Variants in DOCK8 observed in about 807,000 individuals in gnomAD.
The protein encoded by DOCK8 is dedicator of cytokinesis 8, also known as dedicator of cytokinesis protein 8.
Under a neutral mutation model 245.6 loss-of-function variants are expected in DOCK8, and 141 were observed. That is an observed-to-expected ratio of 0.57 (90% confidence interval 0.50 to 0.66). The LOEUF is 0.66. DOCK8 is among the 30% of genes least tolerant of loss of function. The probability of loss-of-function intolerance (pLI) is 0.00; values close to 1 mark genes in which losing one functional copy is unlikely to be tolerated. For synonymous variants in DOCK8, 1,168 were observed against 970.2 expected (o/e 1.20, Z -3.79); for missense variants, 2,965 against 2,603.4 (o/e 1.14, Z -3.02).
At chr9:311,404 C>CTG (rs1229078016) in intron 5 of DOCK8, among the ~76,000 whole-genome samples, 1 of 150,762 alleles carries the variant, frequency 6.6e-6, no homozygotes, top group Non-Finnish European at 1.5e-5. Flanking sequence ...GCCACCATGC[C>CTG]TGGCTAAGTT....
chr9:239,364 TTCCAAAAATAACTTCTA>T (rs2047331410), intron 1 of DOCK8, among the ~76,000 whole-genome samples: 2 of 152,200 alleles, frequency 1.3e-5, no homozygotes, highest in Admixed American at 6.5e-5. Flanking sequence ...TGATTGCCTT[TTCCAAAAATAACTTCTA>T]TGGAAAATCC....
chr9:226,773 A>C (rs1033276251), intron 1 of DOCK8, among the ~76,000 whole-genome samples: 2 of 152,212 alleles, frequency 1.3e-5, no homozygotes, highest in African/African-American at 4.8e-5. Flanking sequence ...TAGACATTCA[A>C]GTAGAATTAG....
intron 4 of DOCK8, among the ~76,000 whole-genome samples, chr9:297,710 C>T (rs2049324427): frequency 6.6e-6 from 1 of 152,254 alleles, no homozygotes; most frequent in African/African-American, 2.4e-5. Context: ...TACATGTTTG[C>T]CAACCCTTGT....
At chr9:400,974 C>CCACCACCAG in intron 26 of DOCK8, among the ~76,000 whole-genome samples, 1 of 74,770 alleles carries the variant, frequency 1.3e-5, no homozygotes, top group South Asian at 3.2e-4. Flanking sequence ...ACCTCCTCCA[C>CCACCACCAG]CATCACCACC....
intron 4 of DOCK8, among the ~76,000 whole-genome samples, chr9:290,383 G>A (rs988841806): frequency 8.6e-5 from 13 of 151,914 alleles, no homozygotes; most frequent in African/African-American, 3.1e-4. Context: ...CCAAAAGTTT[G>A]GGCACCTGGA....
chr9:227,290 G>T (rs1229786160), intron 1 of DOCK8, among the ~76,000 whole-genome samples: 1 of 152,208 alleles, frequency 6.6e-6, no homozygotes, highest in Non-Finnish European at 1.5e-5. Flanking sequence ...TTGGGGGGAT[G>T]ATTTTTTACT....
At chr9:216,498 G>C (rs1014446839) in intron 1 of DOCK8, among the ~76,000 whole-genome samples, 1 of 139,098 alleles carries the variant, frequency 7.2e-6, no homozygotes, top group Non-Finnish European at 1.5e-5. Flanking sequence ...CTGCATTCCA[G>C]CCTGGGTGAG....
chr9:332,383 T>G lies in DOCK8; in HGVS notation c.1045-15T>G. 1 of 1,579,130 alleles carries G rather than the reference T, an allele frequency of 6.3e-7. No individual in the cohort carries two copies. On this transcript the variant is annotated splice_polypyrimidine_tract_variant and intron_variant, in intron 9 of 47. Coordinates refer to ENST00000432829, the MANE Select transcript of DOCK8 (RefSeq NM_203447.4). ...TAATTTATGTGCCTTATTTTAATAT[T>G]CTTTTTATTGGTAGATTGAAAAAGT...
At chr9:340,909 T>C (rs760231300) in intron 14 of DOCK8, among the ~76,000 whole-genome samples, 21 of 152,220 alleles carry the variant, frequency 1.4e-4, no homozygotes, top group Non-Finnish European at 2.9e-4. Flanking sequence ...TGCTAGCCAT[T>C]ACCTTTGTTC....
At chr9:351,751 A>G (rs937081893) in intron 14 of DOCK8, among the ~76,000 whole-genome samples, 3 of 152,214 alleles carry the variant, frequency 2.0e-5, no homozygotes, top group Non-Finnish European at 4.4e-5. Context: ...ACTTAGAGCA[A>G]CAGGATGGTG....
At chr9:400,905 C>T (rs1346821667) in intron 26 of DOCK8, among the ~76,000 whole-genome samples, 14 of 104,568 alleles carry the variant, frequency 1.3e-4, no homozygotes, top group South Asian at 3.4e-4. Context: ...TCCCCCACTA[C>T]CAACAGCTCC....
At chr9:359,144 C>T (rs528841052) in intron 14 of DOCK8, among the ~76,000 whole-genome samples, 65 of 152,254 alleles carry the variant, frequency 4.3e-4, no homozygotes, top group African/African-American at 1.5e-3. Flanking sequence ...CATTGGACTG[C>T]CCTTTGAGTA....
chr9:316,988 T>C (rs2050374086), intron 6 of DOCK8, 55 bp from the exon 7 acceptor site: 3 of 1,406,804 alleles, frequency 2.1e-6, no homozygotes, highest in African/African-American at 1.4e-5. Context: ...TTAACTCTAA[T>C]TGGAGCTCCC....
In DOCK8 at chr9:286,538, G is replaced by A; in HGVS notation, c.234G>A (p.Gln78=). ...CACACCTGAACAGCCTGGATGTGCA[G>A]CTTGCCCAGGAGCTCGGGGACTTCA... ...LMTHLNSLDV[Q]LAQELGDFTD... The change falls in exon 3 of 48, where the codon CAG becomes CAA. Residue 78 remains glutamine (Q), a synonymous_variant. Transcript: ENST00000432829. 1.2e-6 allele frequency: 2 copies of A among 1,614,032 alleles called. No individual in the cohort carries two copies. The highest frequency in any genetic ancestry group is 1.7e-6 in the Non-Finnish European group (2 of 1,179,944).
intron 28 of DOCK8, among the ~76,000 whole-genome samples, chr9:413,948 C>T (rs943860927): frequency 2.6e-5 from 4 of 152,134 alleles, no homozygotes; most frequent in African/African-American, 9.7e-5. Flanking sequence ...TCGAGACCAG[C>T]CTGGCCAAGA....
At chr9:225,637 T>C (rs2046973501) in intron 1 of DOCK8, among the ~76,000 whole-genome samples, 1 of 152,114 alleles carries the variant, frequency 6.6e-6, no homozygotes, top group Non-Finnish European at 1.5e-5. Flanking sequence ...GAGGATAGAG[T>C]CATGAATAAG....
At chr9:265,728 A>C (rs929056428) in intron 1 of DOCK8, among the ~76,000 whole-genome samples, 1 of 152,186 alleles carries the variant, frequency 6.6e-6, no homozygotes, top group African/African-American at 2.4e-5. Flanking sequence ...GAAGCCTTCC[A>C]GGGCTGTTTG....
chr9:379,029 G>A (rs12347881), intron 20 of DOCK8, among the ~76,000 whole-genome samples: 59,329 of 151,956 alleles, frequency 0.39, 14,922 homozygotes, highest in African/African-American at 0.72. Flanking sequence ...TTTTGTGGAT[G>A]GGAGTGAGGA....
chr9:437,000 A>T (rs2056926545), intron 39 of DOCK8, among the ~76,000 whole-genome samples: 1 of 152,180 alleles, frequency 6.6e-6, no homozygotes, highest in Non-Finnish European at 1.5e-5. Context: ...CTTGATGTAG[A>T]GGAGGCAATG....
Sources: gnomAD v4.1 joint callset for allele counts (sites outside exome capture counted in the v4.1 genomes callset) on GRCh38, gnomAD v4.1.1 for gene constraint, MANE v1.5 for transcripts, NCBI Gene and HGNC (gene_info 2026-07-23, HGNC 2026-07-21) for gene names.